Variants in KIF1C observed in about 807,000 individuals in gnomAD.
The protein encoded by KIF1C is kinesin-like protein KIF1C.
In KIF1C, 61 loss-of-function variants were observed where a neutral mutation model predicts 126.5. The ratio of observed to expected loss-of-function variants is 0.48; its 90% CI spans 0.39 to 0.60. The LOEUF (loss-of-function observed/expected upper bound fraction) is 0.60, where lower values mean the gene tolerates loss of function less well. Ranked by LOEUF, KIF1C falls within the 20% of genes least tolerant of loss-of-function variation. KIF1C has a pLI of 0.00. For synonymous variants in KIF1C, 640 were observed against 580.6 expected, an observed-to-expected ratio of 1.10 and a Z score of -1.47; for missense variants, 1,315 against 1,489.2, an observed-to-expected ratio of 0.88 and a Z score of 1.93.
intron 18 of KIF1C, among the ~76,000 whole-genome samples, chr17:5,016,516 GC>G (rs1243248899): frequency 2.0e-5 from 3 of 151,452 alleles, no homozygotes; most frequent in African/African-American, 4.8e-5. Context: ...CTCCCAAAGT[GC>G]CAGGATTACA....
intron 18 of KIF1C, among the ~76,000 whole-genome samples, chr17:5,018,377 T>TGAATCACTGGCCA (rs1975023347): frequency 1.3e-5 from 2 of 151,862 alleles, no homozygotes; most frequent in South Asian, 4.2e-4. Flanking sequence ...TTTTAATAAA[T>TGAATCACTGGCCA]GGCATCTGGC....
In KIF1C at chr17:5,006,997, C is replaced by A; in HGVS notation, c.1248C>A (p.Pro416=). The A allele has an allele frequency of 6.2e-7, 1 of 1,612,084 alleles. No individual in the cohort carries two copies. The highest frequency in any genetic ancestry group is 1.3e-5 in the African/African-American group (1 of 74,760). The change falls in exon 14 of 23, where the codon CCC becomes CCA. Residue 416 remains proline, a synonymous_variant. Coordinates refer to ENST00000320785, the MANE Select transcript of KIF1C (RefSeq NM_006612.6). ...SPPAPVSPSS[P]TTHNGELEPS... ...CAGCTCCAGTTTCACCCTCATCACC[C>A]ACCACACATAATGGGGAGCTGGAGC...
At chr17:5,002,235 A>G in intron 6 of KIF1C, 111 bp downstream of exon 6, 1 of 1,103,994 alleles carries the variant, frequency 9.1e-7, no homozygotes, top group South Asian at 1.3e-5. Context: ...ACTGACTGTG[A>G]CTTTGGGGCA....
intron 13 of KIF1C, among the ~76,000 whole-genome samples, chr17:5,005,759 G>T (rs1418126724): frequency 1.4e-5 from 2 of 147,144 alleles, no homozygotes; most frequent in African/African-American, 2.5e-5. Flanking sequence ...ATGGAGTCTT[G>T]CTCTGTCGCT....
At chr17:5,017,467 C>T (rs1189467180) in intron 18 of KIF1C, among the ~76,000 whole-genome samples, 2 of 151,938 alleles carry the variant, frequency 1.3e-5, no homozygotes, top group Admixed American at 1.3e-4. Flanking sequence ...CCACACCCGG[C>T]TCATTTTTTT....
intron 13 of KIF1C, 144 bp downstream of exon 13, chr17:5,005,144 G>T: frequency 2.0e-6 from 2 of 1,008,638 alleles, no homozygotes; most frequent in East Asian, 2.5e-5. Context: ...ACACAGATGT[G>T]GAGAGGGAAC....
rs1307424532 is a variant in KIF1C, at chr17:5,000,175, C to T, written c.-27-45C>T. 30 of 1,082,630 alleles carry T rather than the reference C, an allele frequency of 2.8e-5. 1 individual carries two copies. The highest frequency in any genetic ancestry group is 4.0e-5 in the Non-Finnish European group (29 of 724,112). The allele number at this position is 1,082,630 out of a possible 1,614,324, so 67.1% of individuals were successfully genotyped here. On this transcript the variant is annotated intron_variant, in intron 2 of 22. Coordinates refer to ENST00000320785, the MANE Select transcript of KIF1C (RefSeq NM_006612.6). The stretch of plus-strand genomic sequence containing the variant: ...AGAAGCTGGGAGGCAATGTCTGGGT[C>T]CCTGCAGTGGTTCTGACCCCACCAC...
chr17:5,022,822 AGT>A lies in KIF1C; in HGVS notation c.2628+114_2628+115del. The A allele has an allele frequency of 7.4e-7, 1 of 1,350,580 alleles. No individual in the cohort carries two copies. 83.7% of individuals were successfully genotyped at this position (1,350,580 alleles called of 1,614,324 possible). A position where few individuals can be genotyped will look rare whatever the true frequency, so the allele number is the denominator to read the frequency against. Reference sequence around the variant, plus strand: ...CCAAGTCTGGAAAAAATTGCATTGAAGTATAGTACGTTTTTTTCAATATTGTT... The same window carrying A: ...CCAAGTCTGGAAAAAATTGCATTGAAATAGTACGTTTTTTTCAATATTGTT... On this transcript the variant is annotated intron_variant, in intron 22 of 22. Transcript: ENST00000320785. The surrounding 1 kb of genome is among the most constrained non-coding windows in gnomAD (Gnocchi z 4.9).
At chr17:5,003,827 C>T (rs1197325656) in intron 9 of KIF1C, 24 bp from the exon 10 acceptor site, 4 of 1,605,482 alleles carry the variant, frequency 2.5e-6, no homozygotes, top group African/African-American at 2.7e-5. Flanking sequence ...GGGTCTCATC[C>T]CCACATTCCT....
chr17:5,022,059 G>GC lies in KIF1C; in HGVS notation c.2011-30dup, dbSNP rs1975100806. 6.4e-7 allele frequency: 1 copy of GC among 1,567,032 alleles called. No homozygotes were observed. The highest frequency in any genetic ancestry group is 2.3e-5 in the East Asian group (1 of 44,366). ...GACACATGGGCTCTGGATGTCCTTA[G>GC]CCCTCTCTTCCTCTTTCTTTCTCTG... is the stretch of plus-strand genomic sequence containing the variant. On this transcript the variant is annotated intron_variant, in intron 21 of 22. Transcript: ENST00000320785. The surrounding 1 kb of genome is among the most constrained non-coding windows in gnomAD (Gnocchi z 4.9).
At position 5,024,416 on chromosome 17, in the gene KIF1C, C is replaced by A; in HGVS notation, c.*265C>A. 5.3e-6 allele frequency: 2 copies of A among 379,148 alleles called. No homozygotes were observed. Among genetic ancestry groups the A allele is most frequent in the Admixed American group, 4.4e-5 (1 of 22,592 alleles). 23.5% of individuals were successfully genotyped at this position (379,148 alleles called of 1,614,324 possible). A position where few individuals can be genotyped will look rare whatever the true frequency, so the allele number is the denominator to read the frequency against. ...CCCCTTGCAAAGGGGGTGTGTCCCA[C>A]AAACGCTGCTATGGGTGGGGTGGGG... On this transcript the variant is annotated 3_prime_UTR_variant, in exon 23 of 23. Coordinates refer to ENST00000320785, the MANE Select transcript of KIF1C (RefSeq NM_006612.6).
chr17:5,024,254 G>A lies in KIF1C; in HGVS notation c.*103G>A. 1.2e-6 allele frequency: 1 copy of A among 818,158 alleles called. No homozygotes were observed. The highest frequency in any genetic ancestry group is 1.9e-6 in the Non-Finnish European group (1 of 515,158). The allele number at this position is 818,158 out of a possible 1,614,324, so 50.7% of individuals were successfully genotyped here. On this transcript the variant is annotated 3_prime_UTR_variant, in exon 23 of 23. Coordinates refer to ENST00000320785, the MANE Select transcript of KIF1C (RefSeq NM_006612.6). Reference sequence around the variant, plus strand: ...GAAGTGCTGGGGCAGGGAGGCCCAGGAGATGAGAGAGAAGGTCCGAGTAGG... The same window carrying A: ...GAAGTGCTGGGGCAGGGAGGCCCAGAAGATGAGAGAGAAGGTCCGAGTAGG...
intron 8 of KIF1C, 95 bp downstream of exon 8, chr17:5,002,937 C>A: frequency 1.0e-6 from 1 of 999,598 alleles, no homozygotes; most frequent in Non-Finnish European, 1.5e-6. Context: ...CCCTCCCTGC[C>A]CATGCTGGGT....
At chr17:5,003,354 C>T (rs1305309159) in intron 8 of KIF1C, among the ~76,000 whole-genome samples, 1 of 152,186 alleles carries the variant, frequency 6.6e-6, no homozygotes, top group Admixed American at 6.6e-5. Flanking sequence ...GCTGTTCTTA[C>T]GAGACCCAGG....
chr17:5,002,536 G>C lies in KIF1C; in HGVS notation c.502G>C (p.Val168Leu), dbSNP rs1259197761. 1 of 1,614,002 alleles carries C rather than the reference G, an allele frequency of 6.2e-7. No individual in the cohort carries two copies. Among genetic ancestry groups the C allele is most frequent in the Admixed American group, 1.7e-5 (1 of 60,016 alleles). ...CCCCAAGAGTCGGGGTTCTCTGCGGGTCCGGGAGCACCCCATCCTGGGCCC... is the reference window on the plus strand; with the variant it reads ...CCCCAAGAGTCGGGGTTCTCTGCGGCTCCGGGAGCACCCCATCCTGGGCCC... ...LNPKSRGSLR[V>L]REHPILGPYV... The change falls in exon 7 of 23, where the codon GTC (valine) becomes CTC (leucine). Residue 168 changes from valine (V) to leucine (L), a missense_variant. Physicochemically the swap from Val to Leu is conservative, Grantham distance 32. Transcript: ENST00000320785.
intron 18 of KIF1C, among the ~76,000 whole-genome samples, chr17:5,016,230 C>T (rs911384330): frequency 2.0e-5 from 3 of 151,672 alleles, no homozygotes; most frequent in Admixed American, 6.6e-5. Context: ...CTCTGCCTCC[C>T]GGGTTCAAGT....
chr17:5,023,721 G>C lies in KIF1C; in HGVS notation c.2882G>C (p.Gly961Ala), dbSNP rs1168718880. ...CAGGGCTCTGGGGGCCGGGGCGGGG[G>C]GCTGCGCAGGCCCCCAGCCCGCTTT... Reference protein sequence around the residue: ...GLQGSGGRGGGLRRPPARFVP... With the variant: ...GLQGSGGRGGALRRPPARFVP... Residue 961 changes from glycine (G) to alanine (A), a missense_variant, in exon 23 of 23, where the codon GGG becomes GCG. By Grantham distance (60) the Gly-to-Ala change is moderately conservative. Around this residue, in one of 2 missense-constraint regions of KIF1C, gnomAD observed 441 missense variants for 436.1 expected, o/e 1.01. Coordinates refer to ENST00000320785, the MANE Select transcript of KIF1C (RefSeq NM_006612.6). This position sits in a 1 kb window ranked among gnomAD's most constrained non-coding sequence, Gnocchi z 4.2. The C allele has an allele frequency of 1.3e-6, 2 of 1,543,048 alleles. No individual in the cohort carries two copies. The highest frequency in any genetic ancestry group is 2.3e-5 in the East Asian group (1 of 44,296).
At chr17:5,008,745 A>G (rs1479533240) in intron 16 of KIF1C, among the ~76,000 whole-genome samples, 2 of 152,060 alleles carry the variant, frequency 1.3e-5, no homozygotes, top group Non-Finnish European at 2.9e-5. Context: ...GGGGCTGGGT[A>G]CCCTGGGGCT....
At chr17:5,015,805 A>C (rs1974959891) in intron 18 of KIF1C, among the ~76,000 whole-genome samples, 1 of 151,528 alleles carries the variant, frequency 6.6e-6, no homozygotes, top group Non-Finnish European at 1.5e-5. Flanking sequence ...CATGTTGGTC[A>C]GACTGGTCTT....
Sources: gnomAD v4.1 joint callset for allele counts (sites outside exome capture counted in the v4.1 genomes callset) on GRCh38, gnomAD v4.1.1 for gene constraint, gnomAD v4.1.1 regional missense constraint, Gnocchi (gnomAD v3.1) non-coding constraint, MANE v1.5 for transcripts, NCBI Gene and HGNC (gene_info 2026-07-23, HGNC 2026-07-21) for gene names.